PLCZ1: variants seen among roughly 807,000 people sequenced by gnomAD.
PLCZ1 encodes phospholipase C zeta 1, also known as 1-phosphatidylinositol 4,5-bisphosphate phosphodiesterase zeta-1.
In PLCZ1, 64 loss-of-function variants were observed where a neutral mutation model predicts 76.8. That is an observed-to-expected ratio of 0.83 (90% CI 0.68 to 1.03). The LOEUF (loss-of-function observed/expected upper bound fraction) is 1.03, where lower values mean the gene tolerates loss of function less well. Ranked by LOEUF, PLCZ1 falls within the 50% of genes least tolerant of loss-of-function variation. The pLI is 0.00. For synonymous variants in PLCZ1, 248 were observed against 230.8 expected (o/e 1.07, Z -0.68); for missense variants, 751 against 713.7 (o/e 1.05, Z -0.60).
At chr12:18,689,428 T>C (rs1953719434) in intron 12 of PLCZ1, among the ~76,000 whole-genome samples, 1 of 152,188 alleles carries the variant, frequency 6.6e-6, no homozygotes, top group Non-Finnish European at 1.5e-5. Flanking sequence ...TCTTAAAACA[T>C]TATGAGATTC....
chr12:18,683,546 C>T (rs960876512), intron 14 of PLCZ1: 2 of 1,501,434 alleles, frequency 1.3e-6, no homozygotes, highest in East Asian at 5.3e-5. Context: ...GCTCATACTT[C>T]TCCTTCCGCA....
At chr12:18,717,789 C>T (rs770553989) in intron 5 of PLCZ1, among the ~76,000 whole-genome samples, 2 of 152,136 alleles carry the variant, frequency 1.3e-5, no homozygotes, top group Non-Finnish European at 2.9e-5. Context: ...GGCTATACCT[C>T]CTAAAATTAC....
chr12:18,671,487 G>C, the PLCZ1 span, among the ~76,000 whole-genome samples: 37 of 152,190 alleles, frequency 2.4e-4, no homozygotes, highest in Middle Eastern at 3.4e-3. Context: ...TCACACATGA[G>C]ATCAGCACTC....
the PLCZ1 span, among the ~76,000 whole-genome samples, chr12:18,647,599 T>C: frequency 1.3e-5 from 2 of 152,062 alleles, no homozygotes; most frequent in African/African-American, 4.8e-5. Context: ...TCCTAGAGAG[T>C]AATTTACCAT....
At chr12:18,680,636 T>C (rs1432902386), downstream of PLCZ1, among the ~76,000 whole-genome samples, 1 of 151,962 alleles carries the variant, frequency 6.6e-6, no homozygotes, top group Non-Finnish European at 1.5e-5. Context: ...CTGTAACACA[T>C]GTAAGTACAA....
chr12:18,653,024 CCCTA>C, the PLCZ1 span, among the ~76,000 whole-genome samples: 1 of 152,000 alleles, frequency 6.6e-6, no homozygotes, highest in African/African-American at 2.4e-5. Context: ...CCCCTCAAAC[CCCTA>C]CCTATCACTC....
chr12:18,709,479 A>C (rs953707837), intron 6 of PLCZ1, among the ~76,000 whole-genome samples: 4 of 152,084 alleles, frequency 2.6e-5, no homozygotes, highest in African/African-American at 9.7e-5. Context: ...TTCATTTCTC[A>C]GAATTATTTT....
At chr12:18,664,935 C>T in the PLCZ1 span, among the ~76,000 whole-genome samples, 1 of 143,566 alleles carries the variant, frequency 7.0e-6, no homozygotes, top group Non-Finnish European at 1.5e-5. Context: ...CATGTTCTCA[C>T]TCATAGGTGG....
Position 18,716,631 on chromosome 12 carries a change from T to C in PLCZ1, c.569+2800A>G, listed in dbSNP as rs568757608. On this transcript the variant is annotated intron_variant, in intron 5 of 14. Transcript: ENST00000266505. Reference sequence around the variant, plus strand: ...TCTTGACTTCGGCTGCTAGGAAACTTACAGGTGATAGTCTCCATGCCTTCT... The same window carrying C: ...TCTTGACTTCGGCTGCTAGGAAACTCACAGGTGATAGTCTCCATGCCTTCT... 2.6e-5 allele frequency among the ~76,000 whole-genome samples: 4 copies of C among 152,314 alleles called. No individual in the cohort carries two copies. The East Asian group carries it at 7.7e-4, about 29-fold the overall frequency.
At chr12:18,705,509 T>G (rs1385690008) in intron 6 of PLCZ1, among the ~76,000 whole-genome samples, 194 bp from the exon 7 acceptor site, 2 of 152,190 alleles carry the variant, frequency 1.3e-5, no homozygotes, top group African/African-American at 2.4e-5. Flanking sequence ...AAAAGAAATG[T>G]ATTACTATTT....
intron 7 of PLCZ1, among the ~76,000 whole-genome samples, chr12:18,704,609 G>C (rs1399972330): frequency 7.9e-5 from 12 of 152,132 alleles, no homozygotes; most frequent in Non-Finnish European, 1.3e-4. Context: ...TTACAGGCAT[G>C]AGTCACTGCA....
intron 3 of PLCZ1, among the ~76,000 whole-genome samples, chr12:18,724,302 A>G (rs1958622356): frequency 6.6e-6 from 1 of 152,152 alleles, no homozygotes; most frequent in Non-Finnish European, 1.5e-5. Context: ...ATTCAGAAGA[A>G]TTCGACACAA....
chr12:18,646,015 G>C, the PLCZ1 span, among the ~76,000 whole-genome samples: 105 of 152,194 alleles, frequency 6.9e-4, no homozygotes, highest in African/African-American at 2.5e-3. Flanking sequence ...TACCCACTTA[G>C]AGAAAAGGAA....
chr12:18,694,803 G>T lies in PLCZ1; in HGVS notation c.1461+107C>A, dbSNP rs374052105. ...CATATAGTACCTGAAAAGATTAACA[G>T]AAATTTAAAAGAAATTGAAGCAAAT... On this transcript the variant is annotated intron_variant, in intron 12 of 14. Transcript: ENST00000266505. 3.5e-4 allele frequency: 327 copies of T among 936,814 alleles called. 3 individuals carry two copies. In the African/African-American group the frequency reaches 4.9e-3, roughly 14 times the overall value. The allele number at this position is 936,814 out of a possible 1,614,324, so 58.0% of individuals were successfully genotyped here. A position where few individuals can be genotyped will look rare whatever the true frequency, so the allele number is the denominator to read the frequency against.
the PLCZ1 span, among the ~76,000 whole-genome samples, chr12:18,661,126 T>A: frequency 3.9e-5 from 6 of 151,928 alleles, no homozygotes; most frequent in African/African-American, 1.5e-4. Context: ...GCAATAAAGA[T>A]TTAAGAAAAG....
chr12:18,706,237 TA>T (rs1956600898), intron 6 of PLCZ1, among the ~76,000 whole-genome samples: 1 of 133,662 alleles, frequency 7.5e-6, no homozygotes, highest in Non-Finnish European at 1.6e-5. Context: ...GTCTCAAAAA[TA>T]AAAATAAAAA....
intron 7 of PLCZ1, among the ~76,000 whole-genome samples, chr12:18,703,086 G>A (rs557423111): frequency 3.0e-4 from 46 of 152,184 alleles, no homozygotes; most frequent in Admixed American, 1.6e-3. Flanking sequence ...AATAGGAAGC[G>A]GGATTCTCTT....
rs1954928519 is a variant in PLCZ1, at chr12:18,696,020, G to A, written c.1291+130C>T. On this transcript the variant is annotated intron_variant, in intron 11 of 14. Coordinates refer to ENST00000266505, the MANE Select transcript of PLCZ1 (RefSeq NM_033123.4). ...TTACAACACATGACCCACCATTAGT[G>A]CCTGACCCCAAAGCCCCCGGGCTAA... 4 of 572,084 alleles carry A rather than the reference G, an allele frequency of 7.0e-6. No individual in the cohort carries two copies. The East Asian group carries it at 1.0e-4, about 15-fold the overall frequency. 35.4% of individuals were successfully genotyped at this position (572,084 alleles called of 1,614,324 possible).
downstream of PLCZ1, among the ~76,000 whole-genome samples, chr12:18,679,330 T>A (rs144226356): frequency 5.7e-4 from 87 of 152,194 alleles, no homozygotes; most frequent in African/African-American, 2.0e-3. Flanking sequence ...ATTTATTTTA[T>A]GCCTCATGCA....
Sources: allele counts gnomAD v4.1 joint callset (sites outside exome capture counted in the v4.1 genomes callset), GRCh38; gene constraint gnomAD v4.1.1; transcripts MANE v1.5; gene names NCBI Gene and HGNC (gene_info 2026-07-23, HGNC 2026-07-21).